Variants in UST observed in about 807,000 individuals in gnomAD.
The protein encoded by UST is chondroitin sulfate 2-O-sulfotransferase.
Under a neutral mutation model 45.6 loss-of-function variants are expected in UST, and 21 were observed. That is an observed-to-expected ratio of 0.46 (90% CI 0.33 to 0.66). The LOEUF is 0.66. Ranked by LOEUF, UST falls within the 30% of genes least tolerant of loss-of-function variation. The pLI, the probability that UST is intolerant of heterozygous loss-of-function variation, is 0.02. For missense variants in UST, 463 were observed against 512.4 expected (o/e 0.90, Z 0.93); for synonymous variants, 215 against 200.6 (o/e 1.07, Z -0.61).
intron 1 of UST, among the ~76,000 whole-genome samples, chr6:148,837,483 CTG>C (rs1421389737): frequency 6.6e-6 from 1 of 152,204 alleles, no homozygotes. Flanking sequence ...TATCCTGTAG[CTG>C]AAGTTCCTTC....
chr6:148,850,602 T>A (rs972951661), intron 1 of UST, among the ~76,000 whole-genome samples: 2 of 152,140 alleles, frequency 1.3e-5, no homozygotes, highest in Non-Finnish European at 2.9e-5. Flanking sequence ...GCTTCCCAGA[T>A]GAATTAGTAA....
At chr6:149,031,630 C>T (rs1776145019) in intron 7 of UST, among the ~76,000 whole-genome samples, 1 of 152,324 alleles carries the variant, frequency 6.6e-6, no homozygotes, top group African/African-American at 2.4e-5. Context: ...GAAAATAGAA[C>T]TTCCTTCACA....
chr6:148,804,688 A>G (rs11753893), intron 1 of UST, among the ~76,000 whole-genome samples: 1 of 152,116 alleles, frequency 6.6e-6, no homozygotes, highest in African/African-American at 2.4e-5. Context: ...TGAGAATATC[A>G]TATACTGGAA....
chr6:148,872,997 C>T (rs939820178), intron 1 of UST, among the ~76,000 whole-genome samples: 7 of 152,220 alleles, frequency 4.6e-5, no homozygotes, highest in African/African-American at 2.4e-5. Flanking sequence ...GAGATGAGGA[C>T]GAGGACAACT....
At chr6:148,990,529 A>G (rs1009187954) in intron 5 of UST, 1 of 503,928 alleles carries the variant, frequency 2.0e-6, no homozygotes, top group African/African-American at 2.1e-5. Context: ...TCAGACGTTC[A>G]GATTCATATT....
chr6:148,795,207 G>T (rs904920755), intron 1 of UST, among the ~76,000 whole-genome samples: 3 of 152,188 alleles, frequency 2.0e-5, no homozygotes, highest in Non-Finnish European at 4.4e-5. Flanking sequence ...TGAGAAGTAG[G>T]CTTGGGATGG....
At chr6:148,920,403 T>C (rs1427596466) in intron 2 of UST, among the ~76,000 whole-genome samples, 3 of 152,150 alleles carry the variant, frequency 2.0e-5, no homozygotes, top group Admixed American at 2.0e-4. Context: ...CTGGCCAATG[T>C]GGTCTCTCTG....
chr6:148,793,684 A>C (rs1053341940), intron 1 of UST, among the ~76,000 whole-genome samples: 1 of 152,086 alleles, frequency 6.6e-6, no homozygotes, highest in African/African-American at 2.4e-5. Context: ...CTCCATTATC[A>C]TCTTGTGGGC....
At chr6:148,972,715 C>T (rs1780942701) in intron 5 of UST, among the ~76,000 whole-genome samples, 1 of 152,278 alleles carries the variant, frequency 6.6e-6, no homozygotes, top group Non-Finnish European at 1.5e-5. Flanking sequence ...CTGTGTCCCG[C>T]CGCTGGCGCT....
intron 7 of UST, chr6:149,027,683 G>A (rs1776068739): frequency 1.3e-5 from 2 of 152,108 alleles, no homozygotes; most frequent in Admixed American, 6.6e-5. Flanking sequence ...GTTCTTCCCT[G>A]GAGCTGCTGA....
At chr6:148,795,594 G>A (rs1056482411) in intron 1 of UST, among the ~76,000 whole-genome samples, 30 of 152,052 alleles carry the variant, frequency 2.0e-4, no homozygotes, top group Admixed American at 3.3e-4. Context: ...TTTACCCAGG[G>A]ACTTTTAAAA....
At chr6:148,831,936 C>A (rs1325460512) in intron 1 of UST, among the ~76,000 whole-genome samples, 2 of 152,198 alleles carry the variant, frequency 1.3e-5, no homozygotes, top group Non-Finnish European at 2.9e-5. Context: ...AATTACCCAA[C>A]CTGATGATAA....
rs1779977363 is a variant in UST, at chr6:148,934,249, G to A, written c.292-7030G>A. Among the ~76,000 whole-genome samples the A allele has an allele frequency of 6.6e-6, 1 of 152,168 alleles. No individual in the cohort carries two copies. Among genetic ancestry groups the A allele is most frequent in the Admixed American group, 6.5e-5 (1 of 15,286 alleles). Reference sequence around the variant, plus strand: ...GATTTAAACTGCTCACAGTCCTATGGACAGTGAGGAACAGAATTGTCCCTG... The same window carrying A: ...GATTTAAACTGCTCACAGTCCTATGAACAGTGAGGAACAGAATTGTCCCTG... On this transcript the variant is annotated intron_variant, in intron 2 of 7. Coordinates refer to ENST00000367463, the MANE Select transcript of UST (RefSeq NM_005715.3). This position sits in a 1 kb window ranked among gnomAD's most constrained non-coding sequence, Gnocchi z 4.1.
intron 5 of UST, among the ~76,000 whole-genome samples, chr6:148,977,884 C>T (rs755575415): frequency 1.3e-4 from 19 of 151,938 alleles, no homozygotes; most frequent in Admixed American, 7.2e-4. Context: ...GGAGGATTGA[C>T]GTCTGTATGT....
At chr6:149,059,516 T>C (rs906690636) in intron 7 of UST, among the ~76,000 whole-genome samples, 2 of 152,222 alleles carry the variant, frequency 1.3e-5, no homozygotes, top group African/African-American at 4.8e-5. Flanking sequence ...AACAGAGATC[T>C]CCAGATTGCC....
intron 1 of UST, among the ~76,000 whole-genome samples, chr6:148,844,318 A>G (rs1490618515): frequency 6.6e-6 from 1 of 152,244 alleles, no homozygotes; most frequent in Non-Finnish European, 1.5e-5. Context: ...TGGGGCTTAA[A>G]GAGAATAAGT....
chr6:148,818,051 T>C (rs573868377), intron 1 of UST, among the ~76,000 whole-genome samples: 31 of 152,304 alleles, frequency 2.0e-4, no homozygotes, highest in African/African-American at 7.5e-4. Flanking sequence ...GATGAACATT[T>C]ACCTGATGTG....
chr6:148,978,321 A>G (rs1347215006), intron 5 of UST, among the ~76,000 whole-genome samples: 1 of 152,214 alleles, frequency 6.6e-6, no homozygotes, highest in Non-Finnish European at 1.5e-5. Flanking sequence ...TATACATCAC[A>G]TACATTTTAT....
At chr6:148,967,705 A>C (rs755795651) in intron 5 of UST, among the ~76,000 whole-genome samples, 5 of 152,132 alleles carry the variant, frequency 3.3e-5, no homozygotes, top group Non-Finnish European at 7.4e-5. Flanking sequence ...TGCACACCGC[A>C]TGCCCACAGG....
Sources: allele counts gnomAD v4.1 joint callset (sites outside exome capture counted in the v4.1 genomes callset), GRCh38; gene constraint gnomAD v4.1.1; non-coding constraint Gnocchi (gnomAD v3.1); transcripts MANE v1.5; gene names NCBI Gene and HGNC (gene_info 2026-07-23, HGNC 2026-07-21).